The following SAMD12 variants were observed in gnomAD, a reference collection of about 807,000 sequenced individuals.
SAMD12 encodes sterile alpha motif domain-containing protein 12.
In SAMD12, 9 loss-of-function variants were observed where a neutral mutation model predicts 15.0. The ratio of observed to expected loss-of-function variants is 0.60; its 90% CI spans 0.36 to 1.05. The LOEUF (loss-of-function observed/expected upper bound fraction) is 1.05. Ranked by LOEUF, SAMD12 falls within the 50% of genes least tolerant of loss-of-function variation. The probability of loss-of-function intolerance (pLI) is 0.01; values close to 1 mark genes in which losing one functional copy is unlikely to be tolerated. For synonymous variants in SAMD12, 86 were observed against 90.1 expected (o/e 0.96, Z 0.25); for missense variants, 230 against 234.2 (o/e 0.98, Z 0.12).
intron 1 of SAMD12, among the ~76,000 whole-genome samples, chr8:118,590,956 C>T (rs1463484160): frequency 6.6e-6 from 1 of 151,918 alleles, no homozygotes; most frequent in Non-Finnish European, 1.5e-5. Context: ...TGAAGAATAA[C>T]CAAATGGAAA....
At chr8:118,177,634 G>A in the SAMD12 span, among the ~76,000 whole-genome samples, 2 of 152,168 alleles carry the variant, frequency 1.3e-5, no homozygotes, top group Non-Finnish European at 2.9e-5. Flanking sequence ...GAGGCAGGAG[G>A]ATTGCTCAAT....
intron 2 of SAMD12, among the ~76,000 whole-genome samples, chr8:118,476,759 T>G (rs1454310700): frequency 3.3e-5 from 5 of 152,158 alleles, no homozygotes; most frequent in African/African-American, 1.2e-4. Context: ...ATACTAAAAT[T>G]ATTTCATGCC....
chr8:118,386,370 A>C (rs1242626612), intron 3 of SAMD12, among the ~76,000 whole-genome samples: 2 of 152,048 alleles, frequency 1.3e-5, no homozygotes, highest in Non-Finnish European at 2.9e-5. Flanking sequence ...CGCGTGTATA[A>C]TCTCACTCTG....
chr8:118,584,287 T>C (rs1827372564), intron 1 of SAMD12, among the ~76,000 whole-genome samples: 1 of 152,220 alleles, frequency 6.6e-6, no homozygotes, highest in Non-Finnish European at 1.5e-5. Flanking sequence ...TGAAATTTCA[T>C]GTCCCTAATA....
intron 2 of SAMD12, among the ~76,000 whole-genome samples, chr8:118,463,945 G>T (rs1032543129): frequency 6.6e-6 from 1 of 152,078 alleles, no homozygotes; most frequent in Non-Finnish European, 1.5e-5. Flanking sequence ...CCTCTGACTC[G>T]CAATGAATGT....
chr8:118,586,924 A>G (rs1395817948), intron 1 of SAMD12, among the ~76,000 whole-genome samples: 1 of 152,236 alleles, frequency 6.6e-6, no homozygotes, highest in Non-Finnish European at 1.5e-5. Flanking sequence ...AGCAAATAAA[A>G]GTTGCTTCCA....
At chr8:118,354,775 T>G (rs1818144890) in intron 4 of SAMD12, among the ~76,000 whole-genome samples, 1 of 152,212 alleles carries the variant, frequency 6.6e-6, no homozygotes, top group South Asian at 2.1e-4. Flanking sequence ...AAATGAGAAT[T>G]AAATCACAGA....
chr8:118,193,838 T>G (rs532675991), exon 5 of SAMD12: 6 of 152,222 alleles, frequency 3.9e-5, no homozygotes, highest in Admixed American at 1.3e-4. Context: ...AAAACAGCCT[T>G]AAAGCAATAA....
chr8:118,163,637 A>G, the SAMD12 span, among the ~76,000 whole-genome samples: 1 of 151,370 alleles, frequency 6.6e-6, no homozygotes, highest in Non-Finnish European at 1.5e-5. Context: ...GCACTTTGGG[A>G]GGCCGAGGCG....
chr8:118,466,291 T>C (rs747702221), intron 2 of SAMD12, among the ~76,000 whole-genome samples: 6 of 152,314 alleles, frequency 3.9e-5, no homozygotes, highest in Non-Finnish European at 7.3e-5. Flanking sequence ...CTTAAAGCCA[T>C]GTGGCCACAG....
chr8:118,579,376 T>C (rs1827228438), intron 2 of SAMD12, among the ~76,000 whole-genome samples: 1 of 152,186 alleles, frequency 6.6e-6, no homozygotes, highest in African/African-American at 2.4e-5. Context: ...ATTTCCAATG[T>C]TGTTCACAAA....
chr8:118,548,482 T>A (rs1826203337), intron 2 of SAMD12, among the ~76,000 whole-genome samples: 1 of 152,048 alleles, frequency 6.6e-6, no homozygotes, highest in Non-Finnish European at 1.5e-5. Flanking sequence ...TCTAGTTGTT[T>A]GGTCAAATGT....
intron 4 of SAMD12, among the ~76,000 whole-genome samples, chr8:118,251,762 A>T (rs573711405): frequency 6.6e-6 from 1 of 152,230 alleles, no homozygotes; most frequent in South Asian, 2.1e-4. Context: ...CACAGCTGAA[A>T]GGGGGCCAAC....
chr8:118,271,436 C>T (rs1368841561), intron 4 of SAMD12, among the ~76,000 whole-genome samples: 1 of 152,078 alleles, frequency 6.6e-6, no homozygotes, highest in African/African-American at 2.4e-5. Flanking sequence ...TGGAGACACA[C>T]CCAAACCATA....
At chr8:118,607,424 C>G (rs1453737622) in intron 1 of SAMD12, among the ~76,000 whole-genome samples, 1 of 152,070 alleles carries the variant, frequency 6.6e-6, no homozygotes, top group African/African-American at 2.4e-5. Context: ...TTAGTAGAGA[C>G]GGGGTTTCTC....
intron 2 of SAMD12, among the ~76,000 whole-genome samples, chr8:118,477,342 A>G (rs1319043035): frequency 6.6e-6 from 1 of 152,150 alleles, no homozygotes; most frequent in Non-Finnish European, 1.5e-5. Flanking sequence ...CTGGGATTAC[A>G]GGCAAGAGCC....
intron 1 of SAMD12, among the ~76,000 whole-genome samples, chr8:118,586,956 A>G (rs184857767): frequency 6.6e-6 from 1 of 152,366 alleles, no homozygotes; most frequent in East Asian, 1.9e-4. Context: ...TAATTCACCA[A>G]AAATGTTAAA....
At chr8:118,353,635 A>C (rs1268974583) in intron 4 of SAMD12, among the ~76,000 whole-genome samples, 1 of 152,196 alleles carries the variant, frequency 6.6e-6, no homozygotes, top group Non-Finnish European at 1.5e-5. Context: ...GATTTGTTAT[A>C]GCAGCTGAAA....
intron 4 of SAMD12, among the ~76,000 whole-genome samples, chr8:118,315,584 C>T (rs1018665093): frequency 6.6e-6 from 1 of 152,130 alleles, no homozygotes; most frequent in Non-Finnish European, 1.5e-5. Flanking sequence ...GAAACATAGA[C>T]TTGTTACTCA....
Sources: gnomAD v4.1 joint callset for allele counts (sites outside exome capture counted in the v4.1 genomes callset) on GRCh38, gnomAD v4.1.1 for gene constraint, MANE v1.5 for transcripts, NCBI Gene and HGNC (gene_info 2026-07-23, HGNC 2026-07-21) for gene names.